The following ACO2 variants were observed in gnomAD, a reference collection of about 807,000 sequenced individuals.
The protein encoded by ACO2 is aconitase 2.
A neutral mutation model predicts 84.5 loss-of-function variants in ACO2; 31 were observed. That is an observed-to-expected ratio of 0.37 (90% CI 0.28 to 0.50). The LOEUF is 0.50. Ranked by LOEUF, ACO2 falls within the 20% of genes least tolerant of loss-of-function variation. The pLI is 0.97. For synonymous variants in ACO2, 414 were observed against 412.7 expected (o/e 1.00, Z -0.04); for missense variants, 685 against 1,029.3 (o/e 0.67, Z 4.58).
chr22:41,526,598 C>A, intron 15 of ACO2, 145 bp downstream of exon 15: 1 of 844,944 alleles, frequency 1.2e-6, no homozygotes, highest in Non-Finnish European at 1.7e-6. Flanking sequence ...GAGGAGAGGC[C>A]TGCAGCCCCT....
At chr22:41,483,894 G>A (rs2038119101) in intron 1 of ACO2, among the ~76,000 whole-genome samples, 2 of 152,170 alleles carry the variant, frequency 1.3e-5, no homozygotes, top group Admixed American at 1.3e-4. Context: ...ATATTCTAAG[G>A]ATACTAATGG....
chr22:41,526,788 A>G, intron 15 of ACO2: 1 of 337,484 alleles, frequency 3.0e-6, no homozygotes, highest in Non-Finnish European at 5.5e-6. Flanking sequence ...CCTCACAGTG[A>G]GCAGGCAGAG....
intron 1 of ACO2, among the ~76,000 whole-genome samples, chr22:41,479,356 A>G (rs1217041494): frequency 6.6e-6 from 1 of 152,148 alleles, no homozygotes; most frequent in African/African-American, 2.4e-5. Context: ...TTTTACAAAT[A>G]TTGCCTCATT....
In ACO2 at chr22:41,520,237, G is replaced by A; in HGVS notation, c.1099G>A (p.Val367Met). 6.2e-7 allele frequency: 1 copy of A among 1,614,058 alleles called. No individual in the cohort carries two copies. Among genetic ancestry groups the A allele is most frequent in the Non-Finnish European group, 8.5e-7 (1 of 1,179,940 alleles). ...LAHPVAEVGK[V>M]AEKEGWPLDI... ...TCACCCTGTGGCAGAAGTGGGCAAG[G>A]TGGCAGAGAAGGAAGGATGGCCTCT... Residue 367 changes from valine (V) to methionine (M), a missense_variant, in exon 9 of 18, where the codon GTG (valine) becomes ATG (methionine). This residue lies in a region of ACO2 where 311 missense variants were observed against 441.6 expected (regional missense o/e 0.70). Coordinates refer to ENST00000216254, the MANE Select transcript of ACO2 (RefSeq NM_001098.3).
chr22:41,491,789 C>G (rs1052864437), intron 1 of ACO2, among the ~76,000 whole-genome samples: 1 of 152,164 alleles, frequency 6.6e-6, no homozygotes, highest in Non-Finnish European at 1.5e-5. Flanking sequence ...TGAAGTTTAT[C>G]TTCATTTTAT....
chr22:41,527,654 C>T (rs2066631008), intron 16 of ACO2: 3 of 787,286 alleles, frequency 3.8e-6, no homozygotes, highest in Non-Finnish European at 3.9e-6. Context: ...AGATCTAGGA[C>T]ATGTGCCAGG....
At chr22:41,506,306 G>A (rs1286382794) in intron 2 of ACO2, among the ~76,000 whole-genome samples, 1 of 151,552 alleles carries the variant, frequency 6.6e-6, no homozygotes, top group East Asian at 1.9e-4. Context: ...AGGCTGGAGT[G>A]CAGTGGCGCT....
chr22:41,492,358 C>T (rs1569006352), intron 1 of ACO2, among the ~76,000 whole-genome samples: 3 of 152,086 alleles, frequency 2.0e-5, no homozygotes, highest in South Asian at 4.1e-4. Context: ...GAATTTAGGC[C>T]GGGCGTAGTG....
intron 1 of ACO2, among the ~76,000 whole-genome samples, chr22:41,483,656 T>TAA (rs112836153): frequency 3.0e-5 from 4 of 133,684 alleles, no homozygotes; most frequent in East Asian, 2.1e-4. Context: ...GACTCCGTCT[T>TAA]AAAAAAAAAA....
At position 41,516,030 on chromosome 22, in the gene ACO2, T is replaced by TGG. The variant is rs1411081842; in HGVS notation, c.835+116_835+117dup. The TGG allele has an allele frequency of 2.1e-6, 3 of 1,403,512 alleles. No homozygotes were observed. The African/African-American group carries it at 4.3e-5, about 20-fold the overall frequency. The allele number at this position is 1,403,512 out of a possible 1,614,324, so 86.9% of individuals were successfully genotyped here. ...CACTTGAGAATCTGTCTGTTCCATT[T>TGG]GGGGACTTGGGATAGACAGAGGTAG... On this transcript the variant is annotated intron_variant, in intron 6 of 17. Coordinates refer to ENST00000216254, the MANE Select transcript of ACO2 (RefSeq NM_001098.3).
chr22:41,524,908 G>A lies in ACO2; in HGVS notation c.1545G>A (p.Thr515=), dbSNP rs113953699. The change falls in exon 13 of 18, where the codon ACG becomes ACA. Residue 515 remains threonine, a synonymous_variant. Coordinates refer to ENST00000216254, the MANE Select transcript of ACO2 (RefSeq NM_001098.3). The part of the protein sequence containing the change: ...LKFNPETDYL[T]GTDGKKFRLE... ...TCAACCCAGAGACCGACTACCTGACGGGCACGGATGGCAAGAAGTTCAGGC... is the reference window on the plus strand; with the variant it reads ...TCAACCCAGAGACCGACTACCTGACAGGCACGGATGGCAAGAAGTTCAGGC... 281 of 1,614,180 alleles carry A rather than the reference G, an allele frequency of 1.7e-4. 5 individuals carry two copies. Among genetic ancestry groups the A allele is most frequent in the African/African-American group, 1.1e-3 (83 of 75,040 alleles).
intron 2 of ACO2, 139 bp from the exon 3 acceptor site, chr22:41,507,652 G>A (rs1182609135): frequency 8.2e-7 from 1 of 1,222,162 alleles, no homozygotes; most frequent in Non-Finnish European, 1.1e-6. Context: ...CCCCACCCAA[G>A]TGGAACGTTG....
chr22:41,497,794 A>G (rs2066325484), intron 1 of ACO2, among the ~76,000 whole-genome samples: 1 of 151,530 alleles, frequency 6.6e-6, no homozygotes, highest in Non-Finnish European at 1.5e-5. Flanking sequence ...GAGACAGGAG[A>G]GTTACTTGAA....
intron 13 of ACO2, 52 bp from the exon 14 acceptor site, chr22:41,525,141 C>CTT: frequency 6.2e-7 from 1 of 1,604,220 alleles, no homozygotes; most frequent in Admixed American, 1.7e-5. Context: ...AGAGTCTGTC[C>CTT]TTGTGGGAAC....
intron 9 of ACO2, among the ~76,000 whole-genome samples, chr22:41,521,912 C>T (rs773968475): frequency 6.6e-6 from 1 of 152,124 alleles, no homozygotes; most frequent in African/African-American, 2.4e-5. Context: ...GCTGGGACTA[C>T]AGGCGCCCGC....
intron 2 of ACO2, among the ~76,000 whole-genome samples, chr22:41,501,161 G>C (rs1479007321): frequency 6.6e-6 from 1 of 152,074 alleles, no homozygotes. Context: ...GAGCCACCAT[G>C]CTCACCTACT....
At chr22:41,510,189 C>G (rs1185553726) in intron 3 of ACO2, among the ~76,000 whole-genome samples, 1 of 152,130 alleles carries the variant, frequency 6.6e-6, no homozygotes, top group Non-Finnish European at 1.5e-5. Context: ...GGCTAGGGCT[C>G]AGAGGCAGTG....
In ACO2 at chr22:41,528,594, T is replaced by C. The variant is rs1474191289; in HGVS notation, c.2324T>C (p.Met775Thr). Reference protein sequence around the residue: ...WFRAGSALNRMKELQQ With the variant: ...WFRAGSALNRTKELQQ ...CGCGCTGGCAGTGCCCTCAACAGAATGAAGGAACTGCAACAGTGAGGGCAG... is the reference window on the plus strand; with the variant it reads ...CGCGCTGGCAGTGCCCTCAACAGAACGAAGGAACTGCAACAGTGAGGGCAG... The change falls in exon 18 of 18, where the codon ATG (methionine) becomes ACG (threonine). Residue 775 changes from methionine (M) to threonine (T), a missense_variant. Physicochemically the swap from Met to Thr is moderately conservative, Grantham distance 81 (BLOSUM62 -1). This residue lies in a region of ACO2 where 174 missense variants were observed against 236.6 expected (regional missense o/e 0.74). Coordinates refer to ENST00000216254, the MANE Select transcript of ACO2 (RefSeq NM_001098.3). 2 of 1,611,570 alleles carry C rather than the reference T, an allele frequency of 1.2e-6. No individual in the cohort carries two copies. Among genetic ancestry groups the C allele is most frequent in the Non-Finnish European group, 1.7e-6 (2 of 1,179,910 alleles).
intron 1 of ACO2, among the ~76,000 whole-genome samples, chr22:41,485,019 C>T (rs1275145526): frequency 1.3e-5 from 2 of 151,518 alleles, no homozygotes; most frequent in South Asian, 2.1e-4. Context: ...GGATTATAGG[C>T]GTGTGCGACC....
Sources: gnomAD v4.1 joint callset for allele counts (sites outside exome capture counted in the v4.1 genomes callset) on GRCh38, gnomAD v4.1.1 for gene constraint, gnomAD v4.1.1 regional missense constraint, MANE v1.5 for transcripts, NCBI Gene and HGNC (gene_info 2026-07-23, HGNC 2026-07-21) for gene names.